Variants in CRACDL observed in about 807,000 individuals in gnomAD.
The protein encoded by CRACDL is CRACD-like protein.
In CRACDL, 26 loss-of-function variants were observed where a neutral mutation model predicts 70.6. That is an observed-to-expected ratio of 0.37 (90% confidence interval 0.27 to 0.51). CRACDL has a LOEUF of 0.51. Ranked by LOEUF, CRACDL falls within the 20% of genes least tolerant of loss-of-function variation. CRACDL has a pLI of 0.94. For synonymous variants in CRACDL, 618 were observed against 615.2 expected (o/e 1.00, Z -0.07); for missense variants, 1,283 against 1,376.9 (o/e 0.93, Z 1.08).
At chr2:98,798,292 C>T (rs527924863) in intron 7 of CRACDL, among the ~76,000 whole-genome samples, 6 of 152,134 alleles carry the variant, frequency 3.9e-5, no homozygotes, top group South Asian at 2.1e-4. Context: ...TTGCAGTGAG[C>T]TGAGATCACG....
intron 1 of CRACDL, among the ~76,000 whole-genome samples, chr2:98,854,561 C>T (rs558656732): frequency 2.0e-5 from 3 of 151,852 alleles, no homozygotes; most frequent in Non-Finnish European, 2.9e-5. Flanking sequence ...AGAAAATATT[C>T]GTAAAAAATA....
chr2:98,859,973 C>T (rs1706873426), intron 1 of CRACDL, among the ~76,000 whole-genome samples: 1 of 151,834 alleles, frequency 6.6e-6, no homozygotes, highest in Admixed American at 6.6e-5. Flanking sequence ...AAGACCAATA[C>T]AAAAATAAAA....
chr2:98,841,334 ATG>A (rs1706018365), intron 2 of CRACDL, among the ~76,000 whole-genome samples: 1 of 152,100 alleles, frequency 6.6e-6, no homozygotes, highest in Admixed American at 6.6e-5. Flanking sequence ...CTATCATCTT[ATG>A]TGTTTTTTAA....
At position 98,821,927 on chromosome 2, in the gene CRACDL, G is replaced by A; in HGVS notation, c.2346C>T (p.Ala782=). Residue 782 remains alanine (A), a synonymous_variant, in exon 7 of 10, where the codon GCC becomes GCT. Coordinates refer to ENST00000397899, the MANE Select transcript of CRACDL (RefSeq NM_207362.3). Reference sequence around the variant, plus strand: ...TCCTGGGTTCCCGCTCTCCCGGGCCGGCGTCGGGGGGCGCGGGCTGGTGCG... The same window carrying A: ...TCCTGGGTTCCCGCTCTCCCGGGCCAGCGTCGGGGGGCGCGGGCTGGTGCG... ...TLPHQPAPPD[A]GPGEREPRKE... is the part of the protein sequence containing the mutation. 6.4e-7 allele frequency: 1 copy of A among 1,574,290 alleles called. No homozygotes were observed. Among genetic ancestry groups the A allele is most frequent in the South Asian group, 1.2e-5 (1 of 85,852 alleles).
intron 1 of CRACDL, among the ~76,000 whole-genome samples, chr2:98,897,740 A>G (rs1573166288): frequency 6.6e-6 from 1 of 152,252 alleles, no homozygotes; most frequent in South Asian, 2.1e-4. Context: ...CTTTTGAGCT[A>G]GAAGGCAACT....
At position 98,929,943 on chromosome 2, in the gene CRACDL, A is replaced by T. The variant is rs1461455218; in HGVS notation, c.-11+5995T>A. Reference sequence around the variant, plus strand: ...AGCAAAGACTCACGATACATTCGACATGGAAAAGGTGCTCGATACCACGAT... The same window carrying T: ...AGCAAAGACTCACGATACATTCGACTTGGAAAAGGTGCTCGATACCACGAT... On this transcript the variant is annotated intron_variant, in intron 1 of 9. Coordinates refer to ENST00000397899, the MANE Select transcript of CRACDL (RefSeq NM_207362.3). Among the ~76,000 whole-genome samples, 3 of 152,246 alleles carry T rather than the reference A, an allele frequency of 2.0e-5. No individual in the cohort carries two copies. In the East Asian group the frequency reaches 5.8e-4, roughly 29 times the overall value.
At chr2:98,825,971 A>C (rs112106804) in intron 6 of CRACDL, among the ~76,000 whole-genome samples, 7 of 152,182 alleles carry the variant, frequency 4.6e-5, no homozygotes, top group African/African-American at 1.4e-4. Context: ...AACACACCAC[A>C]ATCATGTCAT....
intron 1 of CRACDL, among the ~76,000 whole-genome samples, chr2:98,931,020 G>A (rs1477733307): frequency 6.6e-6 from 1 of 152,112 alleles, no homozygotes; most frequent in African/African-American, 2.4e-5. Context: ...ACTTCTAAGT[G>A]GCACAGCAGA....
intron 1 of CRACDL, among the ~76,000 whole-genome samples, chr2:98,881,918 T>C (rs1292294066): frequency 6.6e-6 from 1 of 152,118 alleles, no homozygotes; most frequent in East Asian, 1.9e-4. Context: ...TAGGCTGCAC[T>C]CAGAAGGCCT....
At chr2:98,910,658 G>C (rs1708525874) in intron 1 of CRACDL, among the ~76,000 whole-genome samples, 1 of 152,214 alleles carries the variant, frequency 6.6e-6, no homozygotes. Context: ...AAAAGAAGGA[G>C]GAGCCTCAAA....
intron 1 of CRACDL, among the ~76,000 whole-genome samples, chr2:98,852,090 C>G (rs1706504510): frequency 6.6e-6 from 1 of 151,916 alleles, no homozygotes; most frequent in Non-Finnish European, 1.5e-5. Flanking sequence ...CTTGATGAAT[C>G]CAAGAATGGA....
At chr2:98,883,569 C>T (rs984907957) in intron 1 of CRACDL, among the ~76,000 whole-genome samples, 9 of 152,180 alleles carry the variant, frequency 5.9e-5, no homozygotes, top group African/African-American at 2.2e-4. Flanking sequence ...CGGCAAGGGG[C>T]AGCAGCATAT....
intron 2 of CRACDL, among the ~76,000 whole-genome samples, chr2:98,844,151 C>T (rs6719634): frequency 0.45 from 68,726 of 151,988 alleles, 16,635 homozygotes; most frequent in African/African-American, 0.63. Context: ...ACTGCAATCT[C>T]GGTATATTTG....
intron 1 of CRACDL, among the ~76,000 whole-genome samples, chr2:98,895,437 G>T (rs200614454): frequency 6.6e-6 from 1 of 152,200 alleles, no homozygotes; most frequent in South Asian, 2.1e-4. Flanking sequence ...AATACGGTGC[G>T]TGGGAAGGAG....
intron 1 of CRACDL, among the ~76,000 whole-genome samples, chr2:98,863,087 CACA>C (rs1288047849): frequency 6.6e-6 from 1 of 151,812 alleles, no homozygotes; most frequent in Non-Finnish European, 1.5e-5. Flanking sequence ...AACTTAAGCC[CACA>C]ACAAGACACA....
At chr2:98,901,612 C>A (rs533124220) in intron 1 of CRACDL, among the ~76,000 whole-genome samples, 1 of 152,320 alleles carries the variant, frequency 6.6e-6, no homozygotes, top group South Asian at 2.1e-4. Flanking sequence ...GACCACAGGG[C>A]CTGCAGTTCT....
At chr2:98,842,156 C>T (rs1219034907) in intron 2 of CRACDL, among the ~76,000 whole-genome samples, 2 of 152,064 alleles carry the variant, frequency 1.3e-5, no homozygotes, top group Non-Finnish European at 2.9e-5. Flanking sequence ...ATGGGTATTA[C>T]ACCCTTTCAC....
At chr2:98,900,593 G>A (rs185749926) in intron 1 of CRACDL, among the ~76,000 whole-genome samples, 11 of 152,276 alleles carry the variant, frequency 7.2e-5, no homozygotes, top group Admixed American at 1.3e-4. Context: ...GTGTGCACAC[G>A]TTTGTGCATG....
intron 1 of CRACDL, among the ~76,000 whole-genome samples, chr2:98,923,325 A>G (rs866685637): frequency 1.3e-4 from 20 of 151,906 alleles, no homozygotes; most frequent in Non-Finnish European, 2.2e-4. Flanking sequence ...TACCTCTTTT[A>G]GGCTATATTC....
Sources: gnomAD v4.1 joint callset for allele counts (sites outside exome capture counted in the v4.1 genomes callset) on GRCh38, gnomAD v4.1.1 for gene constraint, MANE v1.5 for transcripts, NCBI Gene and HGNC (gene_info 2026-07-23, HGNC 2026-07-21) for gene names.